Variants in USP6NL observed in about 807,000 individuals in gnomAD.
The protein encoded by USP6NL is USP6 N-terminal like.
USP6NL carries 26 observed loss-of-function variants against 61.9 expected under a neutral mutation model. The observed-to-expected ratio is 0.42, with a 90% confidence interval of 0.31 to 0.58. The LOEUF (loss-of-function observed/expected upper bound fraction) is 0.58, where lower values mean the gene tolerates loss of function less well. USP6NL is among the 20% of genes least tolerant of loss of function. The pLI, the probability that USP6NL is intolerant of heterozygous loss-of-function variation, is 0.16. For missense variants in USP6NL, 1,114 were observed against 1,034.3 expected (o/e 1.08, Z -1.06); for synonymous variants, 432 against 390.1 (o/e 1.11, Z -1.27).
chr10:11,514,982 T>C (rs1834893317), intron 5 of USP6NL, among the ~76,000 whole-genome samples: 2 of 152,280 alleles, frequency 1.3e-5, no homozygotes, highest in South Asian at 2.1e-4. Context: ...GGGCTAAACT[T>C]CTGTTTAAAG....
At chr10:11,524,301 A>G (rs1835337139) in intron 4 of USP6NL, among the ~76,000 whole-genome samples, 1 of 152,186 alleles carries the variant, frequency 6.6e-6, no homozygotes, top group Non-Finnish European at 1.5e-5. Flanking sequence ...AACACTTAAT[A>G]TTTGTCCAGA....
Position 11,485,777 on chromosome 10 carries a change from G to A in USP6NL, c.759+40C>T. The A allele has an allele frequency of 1.5e-6, 2 of 1,319,160 alleles. No homozygotes were observed. The highest frequency in any genetic ancestry group is 2.1e-6 in the Non-Finnish European group (2 of 960,364). 81.7% of individuals were successfully genotyped at this position (1,319,160 alleles called of 1,614,324 possible). A position where few individuals can be genotyped will look rare whatever the true frequency, so the allele number is the denominator to read the frequency against. The stretch of plus-strand genomic sequence containing the variant: ...TTAATTATCCCAGCTTTTTTTGGGG[G>A]GTGGGTAGGTGGGTGTAAGTCAGTG... On this transcript the variant is annotated intron_variant, in intron 11 of 14. Transcript: ENST00000609104. The surrounding 1 kb of genome is among the most constrained non-coding windows in gnomAD (Gnocchi z 4.8).
intron 2 of USP6NL, among the ~76,000 whole-genome samples, chr10:11,539,509 A>C (rs1365000302): frequency 5.9e-5 from 9 of 152,260 alleles, no homozygotes; most frequent in Admixed American, 5.9e-4. Flanking sequence ...GTGATGTAAC[A>C]ATATTTAAAT....
rs1424255110 is a variant in USP6NL, at chr10:11,575,975, T to C, written c.4+21656A>G. Among the ~76,000 whole-genome samples the C allele has an allele frequency of 1.3e-5, 2 of 152,122 alleles. No individual in the cohort carries two copies. Among genetic ancestry groups the C allele is most frequent in the African/African-American group, 4.8e-5 (2 of 41,426 alleles). On this transcript the variant is annotated intron_variant, in intron 2 of 14. Coordinates refer to ENST00000609104, the MANE Select transcript of USP6NL (RefSeq NM_014688.5). The surrounding 1 kb of genome is among the most constrained non-coding windows in gnomAD (Gnocchi z 4.2). The stretch of plus-strand genomic sequence containing the variant: ...TATAGTCTATAGATTCATCAGTTAA[T>C]TTCCTAACTATGACCACTGCACTGT...
Position 11,511,250 on chromosome 10 carries a change from G to A in USP6NL, c.196-1575C>T, listed in dbSNP as rs569090658. Among the ~76,000 whole-genome samples the A allele has an allele frequency of 2.6e-5, 4 of 152,150 alleles. No homozygotes were observed. The highest frequency in any genetic ancestry group is 2.1e-4 in the South Asian group (1 of 4,820). On this transcript the variant is annotated intron_variant, in intron 5 of 14. Coordinates refer to ENST00000609104, the MANE Select transcript of USP6NL (RefSeq NM_014688.5). The surrounding 1 kb of genome is among the most constrained non-coding windows in gnomAD (Gnocchi z 4.9). ...AGAAAAAGATATTCTTTTATAATTC[G>A]TATTTTTCAAAAGGCTAAGTATATT...
At chr10:11,464,038 T>A (rs182460468) in intron 14 of USP6NL, among the ~76,000 whole-genome samples, 189 bp from the exon 15 acceptor site, 4 of 152,314 alleles carry the variant, frequency 2.6e-5, no homozygotes, top group Non-Finnish European at 4.4e-5. Flanking sequence ...AGTTGGTAGC[T>A]GATGAGAGGT....
intron 2 of USP6NL, among the ~76,000 whole-genome samples, chr10:11,569,001 G>C (rs1837266416): frequency 6.6e-6 from 1 of 152,196 alleles, no homozygotes; most frequent in Non-Finnish European, 1.5e-5. Flanking sequence ...AACACTGTCT[G>C]TCACAAGCAG....
rs965732634 is a variant in USP6NL at position 11,513,597 on chromosome 10, G to A, written c.196-3922C>T. Among the ~76,000 whole-genome samples the A allele has an allele frequency of 6.6e-6, 1 of 152,190 alleles. No individual in the cohort carries two copies. Among genetic ancestry groups the A allele is most frequent in the East Asian group, 1.9e-4 (1 of 5,180 alleles). ...TGCTAGATTTCATTTATACTATTTA[G>A]GTTTTTAGGGGGAACTGATCATTAG... On this transcript the variant is annotated intron_variant, in intron 5 of 14. Coordinates refer to ENST00000609104, the MANE Select transcript of USP6NL (RefSeq NM_014688.5). The surrounding 1 kb of genome is among the most constrained non-coding windows in gnomAD (Gnocchi z 4.7).
At chr10:11,608,295 G>C (rs563774421) in intron 1 of USP6NL, among the ~76,000 whole-genome samples, 1 of 152,206 alleles carries the variant, frequency 6.6e-6, no homozygotes, top group Non-Finnish European at 1.5e-5. Context: ...CCCAGGTCTG[G>C]TATGGATACA....
At chr10:11,524,354 A>C (rs1835338805) in intron 4 of USP6NL, among the ~76,000 whole-genome samples, 1 of 152,216 alleles carries the variant, frequency 6.6e-6, no homozygotes, top group African/African-American at 2.4e-5. Flanking sequence ...CAAAGCCTCA[A>C]ATACACCTGA....
intron 14 of USP6NL, among the ~76,000 whole-genome samples, chr10:11,480,969 C>T (rs1833171768): frequency 6.6e-6 from 1 of 152,202 alleles, no homozygotes; most frequent in Admixed American, 6.5e-5. Context: ...GTTATTCCTC[C>T]TGTGATCTTT....
rs1836958166 is a variant in USP6NL, at chr10:11,562,116, TA to T, written c.5-34550del. On this transcript the variant is annotated intron_variant, in intron 2 of 14. Transcript: ENST00000609104. This position sits in a 1 kb window ranked among gnomAD's most constrained non-coding sequence, Gnocchi z 4.8. ...CAACATAGTGAAACTCCGTCTCTAC[TA>T]AAAATACAAAAAATTAGCTGGATGT... Among the ~76,000 whole-genome samples the T allele has an allele frequency of 6.6e-6, 1 of 152,074 alleles. No homozygotes were observed. The highest frequency in any genetic ancestry group is 2.1e-4 in the South Asian group (1 of 4,822).
At position 11,463,320 on chromosome 10, in the gene USP6NL, G is replaced by T. The variant is rs766118122; in HGVS notation, c.1608C>A (p.Ala536=). 1.9e-6 allele frequency: 3 copies of T among 1,613,866 alleles called. No individual in the cohort carries two copies. The highest frequency in any genetic ancestry group is 1.7e-6 in the Non-Finnish European group (2 of 1,179,860). ...CCCGCTTCCCGTCCTCAGCATCCAG[G>T]GCCTTCATCTTTGGCCGCACGTTTG... ...RVSNVRPKMK[A]LDAEDGKRGS... The change falls in exon 15 of 15, where the codon GCC becomes GCA. Residue 536 remains alanine (A), a synonymous_variant. Transcript: ENST00000609104. The surrounding 1 kb of genome is among the most constrained non-coding windows in gnomAD (Gnocchi z 6.3).
chr10:11,552,965 ACCCACCT>A (rs777594669), intron 2 of USP6NL, among the ~76,000 whole-genome samples: 6 of 151,948 alleles, frequency 3.9e-5, no homozygotes, highest in African/African-American at 9.7e-5. Flanking sequence ...TTCAAACCTC[ACCCACCT>A]CCCACCTCCC....
rs748629510 is a variant in USP6NL at position 11,463,170 on chromosome 10, C to A, written c.1758G>T (p.Pro586=). The change falls in exon 15 of 15, where the codon CCG becomes CCT. Residue 586 remains proline, a synonymous_variant. Coordinates refer to ENST00000609104, the MANE Select transcript of USP6NL (RefSeq NM_014688.5). The surrounding 1 kb of genome is among the most constrained non-coding windows in gnomAD (Gnocchi z 6.3). ...TAGAACTTGGCTCAGCGTGCTTTCT[C>A]GGGCTAGGAGGGTAAAGGGCATGCC... ...SPRHALYPPS[P]RKHAEPSSSP... 1.2e-6 allele frequency: 2 copies of A among 1,613,710 alleles called. No homozygotes were observed. Among genetic ancestry groups the A allele is most frequent in the African/African-American group, 1.3e-5 (1 of 74,944 alleles).
intron 1 of USP6NL, among the ~76,000 whole-genome samples, chr10:11,608,397 T>A (rs1217220070): frequency 6.6e-6 from 1 of 152,190 alleles, no homozygotes; most frequent in Non-Finnish European, 1.5e-5. Context: ...AAGGGCCTTC[T>A]CCACATAACC....
intron 2 of USP6NL, among the ~76,000 whole-genome samples, chr10:11,559,800 G>A (rs1362936965): frequency 6.6e-6 from 1 of 152,096 alleles, no homozygotes; most frequent in Non-Finnish European, 1.5e-5. Flanking sequence ...CACCAGTCCT[G>A]ATGATGACTA....
chr10:11,528,526 G>A lies in USP6NL; in HGVS notation c.5-959C>T, dbSNP rs987459854. ...TAGGCATCATTATGAATCCTACACCGCGATAAAAAAGAGGCTTAGAGATTT... is the reference window on the plus strand; with the variant it reads ...TAGGCATCATTATGAATCCTACACCACGATAAAAAAGAGGCTTAGAGATTT... On this transcript the variant is annotated intron_variant, in intron 2 of 14. Transcript: ENST00000609104. This position sits in a 1 kb window ranked among gnomAD's most constrained non-coding sequence, Gnocchi z 4.6. Among the ~76,000 whole-genome samples, 1 of 152,046 alleles carries A rather than the reference G, an allele frequency of 6.6e-6. No homozygotes were observed. The highest frequency in any genetic ancestry group is 2.4e-5 in the African/African-American group (1 of 41,388).
intron 2 of USP6NL, among the ~76,000 whole-genome samples, chr10:11,542,708 GA>G (rs2133457951): frequency 6.6e-6 from 1 of 152,210 alleles, no homozygotes; most frequent in Non-Finnish European, 1.5e-5. Context: ...GACAGGATGT[GA>G]CTCTGCCTCA....
Sources: gnomAD v4.1 joint callset for allele counts (sites outside exome capture counted in the v4.1 genomes callset) on GRCh38, gnomAD v4.1.1 for gene constraint, Gnocchi (gnomAD v3.1) non-coding constraint, MANE v1.5 for transcripts, NCBI Gene and HGNC (gene_info 2026-07-23, HGNC 2026-07-21) for gene names.